COP1: variants seen among roughly 807,000 people sequenced by gnomAD.
The protein encoded by COP1 is COP1 E3 ubiquitin ligase.
Under a neutral mutation model 101.3 loss-of-function variants are expected in COP1, and 24 were observed. The ratio of observed to expected loss-of-function variants is 0.24; its 90% confidence interval spans 0.17 to 0.33. The LOEUF (loss-of-function observed/expected upper bound fraction) is 0.33, where lower values mean the gene tolerates loss of function less well. COP1 is among the 10% of genes least tolerant of loss of function. The probability of loss-of-function intolerance (pLI) is 1.00; values close to 1 mark genes in which losing one functional copy is unlikely to be tolerated. For synonymous variants in COP1, 347 were observed against 341.9 expected, an observed-to-expected ratio of 1.01 and a Z score of -0.17; for missense variants, 663 against 906.2, an observed-to-expected ratio of 0.73 and a Z score of 3.45.
intron 9 of COP1, among the ~76,000 whole-genome samples, chr1:176,101,156 C>T (rs1231793606): frequency 6.6e-6 from 1 of 152,142 alleles, no homozygotes; most frequent in Non-Finnish European, 1.5e-5. Flanking sequence ...GCATGCCCCC[C>T]ACCATCAACA....
chr1:175,996,993 A>G (rs981056902), intron 15 of COP1, among the ~76,000 whole-genome samples: 14 of 151,300 alleles, frequency 9.3e-5, no homozygotes, highest in African/African-American at 3.4e-4. Context: ...ACCTGACTTC[A>G]AACTATACTA....
At chr1:175,955,483 T>C (rs1395299473) in intron 18 of COP1, among the ~76,000 whole-genome samples, 1 of 151,986 alleles carries the variant, frequency 6.6e-6, no homozygotes, top group Non-Finnish European at 1.5e-5. Flanking sequence ...GTATTAGAGG[T>C]ACAACCCAGT....
intron 18 of COP1, among the ~76,000 whole-genome samples, chr1:175,983,380 G>A (rs949618513): frequency 6.6e-6 from 1 of 152,174 alleles, no homozygotes; most frequent in East Asian, 1.9e-4. Context: ...GAGATTCCCT[G>A]TACAAGTTTT....
chr1:176,116,581 T>C, intron 9 of COP1, 43 bp downstream of exon 9: 1 of 1,431,874 alleles, frequency 7.0e-7, no homozygotes, highest in Non-Finnish European at 9.7e-7. Flanking sequence ...ACTCAGATAA[T>C]TATACTCATG....
chr1:176,109,286 A>C (rs1684882226), intron 9 of COP1, among the ~76,000 whole-genome samples: 1 of 152,046 alleles, frequency 6.6e-6, no homozygotes, highest in Non-Finnish European at 1.5e-5. Flanking sequence ...ATTGCTGTTT[A>C]AATTATTGTT....
In COP1 at chr1:176,206,744, C is replaced by A. The variant is rs763204359; in HGVS notation, c.235G>T (p.Gly79Cys). ...LVAPAVSGSG[G>C]GAVSTGLSRH... Reference sequence around the variant, plus strand: ...GACAGGCCCGTGGACACCGCCCCGCCGCCGCTACCCGATACGGCGGGCGCC... The same window carrying A: ...GACAGGCCCGTGGACACCGCCCCGCAGCCGCTACCCGATACGGCGGGCGCC... Residue 79 changes from glycine to cysteine, a missense_variant, in exon 1 of 20, where the codon GGC (glycine) becomes TGC (cysteine). Gly to Cys is a radical substitution (Grantham distance 159). This residue lies in a region of COP1 where 204 missense variants were observed against 203.6 expected (regional missense o/e 1.00). Transcript: ENST00000367669. 3.5e-5 allele frequency: 54 copies of A among 1,540,482 alleles called. No homozygotes were observed. The highest frequency in any genetic ancestry group is 4.5e-5 in the Non-Finnish European group (52 of 1,151,674).
chr1:176,070,157 C>A (rs1253365160), intron 11 of COP1, among the ~76,000 whole-genome samples: 1 of 152,076 alleles, frequency 6.6e-6, no homozygotes. Context: ...TTTTCCCTGC[C>A]CAGCTGCTCC....
At chr1:176,105,707 A>G (rs1684191674) in intron 9 of COP1, among the ~76,000 whole-genome samples, 1 of 152,162 alleles carries the variant, frequency 6.6e-6, no homozygotes, top group Non-Finnish European at 1.5e-5. Context: ...AAGATAAATA[A>G]TTTTCTGTAA....
At chr1:176,019,463 AAATAATAATAAT>A (rs34362717) in intron 15 of COP1, among the ~76,000 whole-genome samples, 10,257 of 132,346 alleles carry the variant, frequency 0.078, 444 homozygotes, top group Admixed American at 0.12. Flanking sequence ...ACTCCATCTC[AAATAATAATAAT>A]AATAATAATA....
At chr1:176,033,657 T>G (rs971338595) in intron 14 of COP1, among the ~76,000 whole-genome samples, 1 of 152,202 alleles carries the variant, frequency 6.6e-6, no homozygotes. Flanking sequence ...TAAAATTCCT[T>G]TCTGATTAGC....
chr1:176,057,139 CTAATTA>C (rs1251446277), intron 11 of COP1, among the ~76,000 whole-genome samples: 6 of 152,184 alleles, frequency 3.9e-5, no homozygotes, highest in Admixed American at 3.9e-4. Flanking sequence ...TCCAAACTTA[CTAATTA>C]TAAGTAGGTG....
intron 15 of COP1, among the ~76,000 whole-genome samples, chr1:176,016,275 A>C (rs2148986666): frequency 6.6e-6 from 1 of 152,308 alleles, no homozygotes; most frequent in East Asian, 1.9e-4. Flanking sequence ...GTATCAAAGA[A>C]TACCAACATT....
intron 18 of COP1, among the ~76,000 whole-genome samples, chr1:175,971,805 C>T (rs1302993715): frequency 1.3e-5 from 2 of 152,170 alleles, no homozygotes; most frequent in Non-Finnish European, 2.9e-5. Context: ...TTTGCTTTTG[C>T]TACTGAGGAG....
At chr1:176,126,535 C>A (rs1355606521) in intron 8 of COP1, among the ~76,000 whole-genome samples, 1 of 152,102 alleles carries the variant, frequency 6.6e-6, no homozygotes, top group South Asian at 2.1e-4. Context: ...CAGCTCACTG[C>A]AACCTCTGCC....
At chr1:176,014,769 C>T (rs1329612805) in intron 15 of COP1, among the ~76,000 whole-genome samples, 1 of 151,966 alleles carries the variant, frequency 6.6e-6, no homozygotes, top group African/African-American at 2.4e-5. Flanking sequence ...TATATGTACA[C>T]TATACATATA....
At chr1:176,061,776 C>T (rs946747439) in intron 11 of COP1, among the ~76,000 whole-genome samples, 3 of 151,964 alleles carry the variant, frequency 2.0e-5, no homozygotes, top group Admixed American at 6.5e-5. Context: ...GAAAAATCTT[C>T]GGGGCAGAAA....
At chr1:176,126,336 A>C (rs1025560477) in intron 8 of COP1, among the ~76,000 whole-genome samples, 23 of 152,214 alleles carry the variant, frequency 1.5e-4, no homozygotes, top group African/African-American at 5.3e-4. Context: ...ACCATTTAGT[A>C]TGACTAACTG....
intron 18 of COP1, among the ~76,000 whole-genome samples, chr1:175,970,133 G>T (rs1313755085): frequency 6.6e-6 from 1 of 151,974 alleles, no homozygotes; most frequent in African/African-American, 2.4e-5. Context: ...ATGTACCTGG[G>T]GCAACACTAA....
chr1:176,099,185 T>C (rs1682941732), intron 9 of COP1, among the ~76,000 whole-genome samples: 1 of 152,220 alleles, frequency 6.6e-6, no homozygotes, highest in Non-Finnish European at 1.5e-5. Context: ...TTTCAAAAAA[T>C]GGCTTATAAC....
Sources: gnomAD v4.1 joint callset for allele counts (sites outside exome capture counted in the v4.1 genomes callset) on GRCh38, gnomAD v4.1.1 for gene constraint, gnomAD v4.1.1 regional missense constraint, MANE v1.5 for transcripts, NCBI Gene and HGNC (gene_info 2026-07-23, HGNC 2026-07-21) for gene names.